Variants in ATP8B4 observed in about 807,000 individuals in gnomAD.
ATP8B4 encodes probable phospholipid-transporting ATPase IM.
A neutral mutation model predicts 145.6 loss-of-function variants in ATP8B4; 133 were observed. The observed-to-expected ratio is 0.91, with a 90% CI of 0.79 to 1.05. ATP8B4 has a LOEUF of 1.05. Among genes scored for constraint, ATP8B4 ranks in the 50% least tolerant of loss-of-function variants. ATP8B4 has a pLI of 0.00. For missense variants in ATP8B4, 1,458 were observed against 1,425.2 expected (o/e 1.02, Z -0.37); for synonymous variants, 507 against 492.9 (o/e 1.03, Z -0.38).
chr15:50,097,340 T>C (rs1024129113), intron 2 of ATP8B4, among the ~76,000 whole-genome samples: 24 of 146,448 alleles, frequency 1.6e-4, no homozygotes, highest in African/African-American at 5.5e-4. Context: ...TATGGTGTTA[T>C]GTAATCTAAT....
chr15:50,052,756 G>T (rs756301036), intron 3 of ATP8B4, among the ~76,000 whole-genome samples: 2 of 152,078 alleles, frequency 1.3e-5, no homozygotes, highest in African/African-American at 2.4e-5. Context: ...TCTAGAAGAG[G>T]GCCTATGAGG....
intron 2 of ATP8B4, among the ~76,000 whole-genome samples, 184 bp downstream of exon 2, chr15:50,106,755 T>G (rs2056701785): frequency 6.6e-6 from 1 of 152,204 alleles, no homozygotes; most frequent in South Asian, 2.1e-4. Flanking sequence ...GTGATAGAAA[T>G]CAATGTTCTA....
At chr15:50,069,103 C>T (rs2053565690) in intron 3 of ATP8B4, among the ~76,000 whole-genome samples, 1 of 152,040 alleles carries the variant, frequency 6.6e-6, no homozygotes, top group Non-Finnish European at 1.5e-5. Flanking sequence ...AAACATTGAA[C>T]TCCCTTCTAA....
intron 14 of ATP8B4, among the ~76,000 whole-genome samples, chr15:49,961,043 G>C (rs904186095): frequency 1.1e-4 from 16 of 152,028 alleles, no homozygotes; most frequent in Admixed American, 9.8e-4. Flanking sequence ...TGAGGCAGGA[G>C]AATGGCGTGA....
intron 14 of ATP8B4, among the ~76,000 whole-genome samples, chr15:49,942,553 G>A (rs1301523091): frequency 1.3e-5 from 2 of 151,978 alleles, no homozygotes; most frequent in East Asian, 3.9e-4. Flanking sequence ...AGAAAACACA[G>A]TAGTCCCATA....
At chr15:49,920,186 A>G in intron 18 of ATP8B4, 60 bp downstream of exon 18, 1 of 1,570,428 alleles carries the variant, frequency 6.4e-7, no homozygotes, top group South Asian at 1.2e-5. Flanking sequence ...CCTGTGCTAA[A>G]TCTCTAAACA....
chr15:49,873,609 A>C (rs2033968659), intron 25 of ATP8B4, among the ~76,000 whole-genome samples: 1 of 152,054 alleles, frequency 6.6e-6, no homozygotes, highest in South Asian at 2.1e-4. Context: ...TTTTCCCTGC[A>C]TTTTTATGCT....
intron 14 of ATP8B4, among the ~76,000 whole-genome samples, chr15:49,943,847 TA>T (rs2042357130): frequency 6.6e-6 from 1 of 152,218 alleles, no homozygotes; most frequent in Non-Finnish European, 1.5e-5. Flanking sequence ...TGGTGGTAGT[TA>T]AATCACTTTT....
At chr15:50,073,072 T>C (rs2053957246) in intron 3 of ATP8B4, among the ~76,000 whole-genome samples, 1 of 146,248 alleles carries the variant, frequency 6.8e-6, no homozygotes, top group Non-Finnish European at 1.5e-5. Flanking sequence ...TACGCATATA[T>C]ATATGTGTGT....
chr15:50,035,265 A>G (rs531719622), intron 6 of ATP8B4, among the ~76,000 whole-genome samples: 88 of 152,374 alleles, frequency 5.8e-4, no homozygotes, highest in Admixed American at 9.2e-4. Context: ...GAATGTTACG[A>G]GTAATGCTCC....
At chr15:50,079,263 A>C (rs1403545173) in intron 2 of ATP8B4, among the ~76,000 whole-genome samples, 1 of 152,224 alleles carries the variant, frequency 6.6e-6, no homozygotes, top group Non-Finnish European at 1.5e-5. Flanking sequence ...AATGTACAAC[A>C]GGAAAAATAC....
At chr15:49,882,809 G>A (rs2035626223) in intron 23 of ATP8B4, among the ~76,000 whole-genome samples, 1 of 152,204 alleles carries the variant, frequency 6.6e-6, no homozygotes, top group Non-Finnish European at 1.5e-5. Context: ...CAGGAGAGCT[G>A]TTGGGTGTTT....
intron 1 of ATP8B4, among the ~76,000 whole-genome samples, chr15:50,165,132 C>A (rs1477557882): frequency 6.6e-6 from 1 of 152,038 alleles, no homozygotes; most frequent in Non-Finnish European, 1.5e-5. Context: ...TTACTGAAAC[C>A]TCTGTCTCCC....
chr15:49,910,656 G>A (rs975742448), intron 20 of ATP8B4, among the ~76,000 whole-genome samples: 1 of 152,120 alleles, frequency 6.6e-6, no homozygotes, highest in Non-Finnish European at 1.5e-5. Flanking sequence ...AGACTTATCA[G>A]TAAAAACCTT....
upstream of ATP8B4, among the ~76,000 whole-genome samples, chr15:50,123,849 C>A (rs186077602): frequency 6.6e-6 from 1 of 152,250 alleles, no homozygotes; most frequent in East Asian, 1.9e-4. Context: ...CTTCTCCTCT[C>A]TCTAGGGCAG....
At chr15:49,918,607 G>T (rs181278870) in intron 19 of ATP8B4, among the ~76,000 whole-genome samples, 15 of 152,232 alleles carry the variant, frequency 9.9e-5, no homozygotes, top group African/African-American at 3.4e-4. Context: ...AGAGGCAATT[G>T]GACCGAAACT....
chr15:49,913,483 T>G (rs2039441820), intron 20 of ATP8B4, among the ~76,000 whole-genome samples: 1 of 152,082 alleles, frequency 6.6e-6, no homozygotes, highest in Non-Finnish European at 1.5e-5. Context: ...TGCTCACTTT[T>G]TCCACTCCTA....
intron 1 of ATP8B4, among the ~76,000 whole-genome samples, chr15:50,146,587 C>T (rs4775859): frequency 0.99 from 150,295 of 152,318 alleles, 74,181 homozygotes; most frequent in Non-Finnish European, 1. Context: ...AACTACTTTG[C>T]GTGTGTTTTA....
chr15:49,948,228 G>A (rs370358316), intron 14 of ATP8B4, among the ~76,000 whole-genome samples: 2 of 149,800 alleles, frequency 1.3e-5, no homozygotes, highest in East Asian at 1.9e-4. Flanking sequence ...AGGAGGTCAG[G>A]AGTTCGAGAC....
Sources: allele counts gnomAD v4.1 joint callset (sites outside exome capture counted in the v4.1 genomes callset), GRCh38; gene constraint gnomAD v4.1.1; transcripts MANE v1.5; gene names NCBI Gene and HGNC (gene_info 2026-07-23, HGNC 2026-07-21).